The following RAD51B variants were observed in gnomAD, a reference collection of about 807,000 sequenced individuals.
RAD51B encodes the protein DNA repair protein RAD51 homolog 2.
Under a neutral mutation model 42.2 loss-of-function variants are expected in RAD51B, and 38 were observed. The ratio of observed to expected loss-of-function variants is 0.90; its 90% CI spans 0.70 to 1.18. The LOEUF is 1.18. Ranked by LOEUF, RAD51B falls within the 50% of genes most tolerant of loss-of-function variation. The pLI is 0.00. For synonymous variants in RAD51B, 154 were observed against 145.2 expected (o/e 1.06, Z -0.43); for missense variants, 373 against 400.7 (o/e 0.93, Z 0.59).
intron 8 of RAD51B, among the ~76,000 whole-genome samples, chr14:68,364,894 C>T (rs1004394505): frequency 6.6e-6 from 1 of 152,158 alleles, no homozygotes; most frequent in Non-Finnish European, 1.5e-5. Flanking sequence ...ACCCTTTTCC[C>T]GCTCAAGCTC....
intron 10 of RAD51B, among the ~76,000 whole-genome samples, chr14:68,551,368 A>G (rs998211805): frequency 6.6e-6 from 1 of 152,228 alleles, no homozygotes; most frequent in South Asian, 2.1e-4. Flanking sequence ...ATGCCCAAGC[A>G]GCAGATTTCT....
intron 3 of RAD51B, among the ~76,000 whole-genome samples, chr14:67,834,500 C>T (rs1410416235): frequency 6.6e-6 from 1 of 152,104 alleles, no homozygotes; most frequent in Non-Finnish European, 1.5e-5. Context: ...TTTGCATCTT[C>T]AACAGAGCTG....
intron 10 of RAD51B, among the ~76,000 whole-genome samples, chr14:68,507,332 C>G (rs1324704759): frequency 6.6e-6 from 1 of 152,104 alleles, no homozygotes; most frequent in Non-Finnish European, 1.5e-5. Flanking sequence ...CTTCTTTGAG[C>G]TTTACTTTGT....
chr14:68,340,015 AAAG>A (rs2082539466), intron 8 of RAD51B, among the ~76,000 whole-genome samples: 1 of 152,244 alleles, frequency 6.6e-6, no homozygotes, highest in Non-Finnish European at 1.5e-5. Context: ...AGGGTTAAAA[AAAG>A]AAGAAATGTT....
At chr14:68,190,410 T>A (rs1051989117) in intron 7 of RAD51B, among the ~76,000 whole-genome samples, 9 of 152,172 alleles carry the variant, frequency 5.9e-5, no homozygotes, top group African/African-American at 2.2e-4. Context: ...TATAAATAGA[T>A]AAACATGTAT....
At chr14:68,392,493 C>G (rs1047219374) in intron 8 of RAD51B, among the ~76,000 whole-genome samples, 11 of 152,194 alleles carry the variant, frequency 7.2e-5, no homozygotes, top group Admixed American at 2.0e-4. Context: ...ATAGGACTCT[C>G]TCTCCCATTT....
intron 7 of RAD51B, among the ~76,000 whole-genome samples, chr14:68,110,374 T>G (rs1482974760): frequency 1.3e-5 from 2 of 152,010 alleles, no homozygotes; most frequent in African/African-American, 4.8e-5. Context: ...CTTACCATTA[T>G]TAGTTAGGTA....
At chr14:68,667,470 C>G (rs182172541) in intron 11 of RAD51B, among the ~76,000 whole-genome samples, 12 of 127,882 alleles carry the variant, frequency 9.4e-5, no homozygotes, top group Non-Finnish European at 1.6e-4. Context: ...AAACTACCTT[C>G]ACAGAAACAT....
rs182016647 is a variant in RAD51B, at chr14:68,298,620, T to G, written c.853+6640T>G. Among the ~76,000 whole-genome samples, 189 of 152,280 alleles carry G rather than the reference T, an allele frequency of 1.2e-3. 1 individual carries two copies. Among genetic ancestry groups the G allele is most frequent in the Non-Finnish European group, 1.8e-3 (123 of 68,022 alleles). ...CACTGTTTCTGTTAAGGTCTCAATG[T>G]CAAGAAAGCTGGAGGGACAAAAACA... On this transcript the variant is annotated intron_variant, in intron 8 of 10. Transcript: ENST00000471583.
chr14:67,927,891 G>T (rs1338127703), intron 7 of RAD51B, among the ~76,000 whole-genome samples: 2 of 151,402 alleles, frequency 1.3e-5, no homozygotes, highest in South Asian at 2.1e-4. Context: ...TGGGTGTGCT[G>T]TTGGATCTAG....
At chr14:68,086,336 T>C (rs1377604343) in intron 7 of RAD51B, among the ~76,000 whole-genome samples, 1 of 152,082 alleles carries the variant, frequency 6.6e-6, no homozygotes, top group Non-Finnish European at 1.5e-5. Context: ...GCTCGTGTGC[T>C]CCTCTCAACG....
chr14:68,490,223 TTTTAA>T lies in RAD51B; in HGVS notation c.1036+21978_1036+21982del, dbSNP rs553302024. On this transcript the variant is annotated intron_variant, in intron 10 of 10. Coordinates refer to the RAD51B transcript ENST00000487270. ...AGAAATGATTTTATTATTTATGTGA[TTTTAA>T]TTTATTTTTAAAGTATCAATTCTTT... 7.9e-5 allele frequency among the ~76,000 whole-genome samples: 12 copies of T among 152,280 alleles called. No homozygotes were observed. In the East Asian group the frequency reaches 2.3e-3, roughly 29 times the overall value.
At chr14:68,295,876 GC>G (rs1347089778) in intron 8 of RAD51B, among the ~76,000 whole-genome samples, 1 of 152,044 alleles carries the variant, frequency 6.6e-6, no homozygotes, top group South Asian at 2.1e-4. Flanking sequence ...GGTAGACCTT[GC>G]CCCCCGCCCC....
At chr14:68,008,672 G>C (rs988677248) in intron 7 of RAD51B, among the ~76,000 whole-genome samples, 10 of 151,948 alleles carry the variant, frequency 6.6e-5, no homozygotes, top group African/African-American at 2.4e-4. Flanking sequence ...TCTTCCTTTG[G>C]TTTATGAGTT....
At chr14:67,939,394 T>C (rs2045078916) in intron 7 of RAD51B, among the ~76,000 whole-genome samples, 1 of 152,196 alleles carries the variant, frequency 6.6e-6, no homozygotes, top group African/African-American at 2.4e-5. Context: ...CTAGATAGTA[T>C]ATAGAAAATT....
At chr14:68,163,850 G>A (rs1389847654) in intron 7 of RAD51B, among the ~76,000 whole-genome samples, 1 of 152,110 alleles carries the variant, frequency 6.6e-6, no homozygotes, top group African/African-American at 2.4e-5. Context: ...GTTCTTACTC[G>A]TTAGAATGCA....
intron 9 of RAD51B, among the ~76,000 whole-genome samples, chr14:68,446,281 A>T (rs970358432): frequency 6.6e-6 from 1 of 152,184 alleles, no homozygotes; most frequent in Non-Finnish European, 1.5e-5. Flanking sequence ...ACAACTAGTA[A>T]ATGGTAGAAA....
chr14:68,275,841 C>CACACACACA (rs1595645362), intron 7 of RAD51B, among the ~76,000 whole-genome samples: 1 of 147,294 alleles, frequency 6.8e-6, no homozygotes, highest in African/African-American at 2.6e-5. Flanking sequence ...CACACACACA[C>CACACACACA]CCTTGAATTC....
At chr14:68,439,997 A>T (rs2085246678) in intron 9 of RAD51B, among the ~76,000 whole-genome samples, 1 of 152,226 alleles carries the variant, frequency 6.6e-6, no homozygotes, top group Non-Finnish European at 1.5e-5. Context: ...GAACAGCTCC[A>T]AAGGCCAGAA....
Sources: allele counts gnomAD v4.1 joint callset (sites outside exome capture counted in the v4.1 genomes callset), GRCh38; gene constraint gnomAD v4.1.1; transcripts MANE v1.5; gene names NCBI Gene and HGNC (gene_info 2026-07-23, HGNC 2026-07-21).